LRRC37A2: variants seen among roughly 807,000 people sequenced by gnomAD.
LRRC37A2 encodes the protein leucine rich repeat containing 37 member A2.
In LRRC37A2, 9 loss-of-function variants were observed where a neutral mutation model predicts 68.8. The observed-to-expected ratio is 0.13, with a 90% confidence interval of 0.08 to 0.23. The LOEUF is 0.23. Ranked by LOEUF, LRRC37A2 falls within the 10% of genes least tolerant of loss-of-function variation. The pLI, the probability that LRRC37A2 is intolerant of heterozygous loss-of-function variation, is 1.00. For synonymous variants in LRRC37A2, 63 were observed against 367.6 expected, an observed-to-expected ratio of 0.17 and a Z score of 9.48; for missense variants, 168 against 950.4, an observed-to-expected ratio of 0.18 and a Z score of 10.82.
chr17:46,992,198 C>CTAAATAAATAAATACATAAATAAATAAA, the LRRC37A2 span, among the ~76,000 whole-genome samples: 1 of 143,778 alleles, frequency 7.0e-6, no homozygotes. Flanking sequence ...CCCATCTCTA[C>CTAAATAAATAAATACATAAATAAATAAA]TAAATAAATA....
chr17:46,829,045 G>A, the LRRC37A2 span, among the ~76,000 whole-genome samples: 1 of 152,194 alleles, frequency 6.6e-6, no homozygotes, highest in African/African-American at 2.4e-5. Flanking sequence ...GACTGCTGAT[G>A]GGTTTGAGGT....
the LRRC37A2 span, chr17:47,017,761 C>G: frequency 8.9e-4 from 1,426 of 1,610,572 alleles, 6 homozygotes; most frequent in African/African-American, 0.016. Flanking sequence ...ACAGATACAC[C>G]GTATCCCGGT....
the LRRC37A2 span, among the ~76,000 whole-genome samples, chr17:46,762,065 T>C: frequency 6.6e-6 from 1 of 152,212 alleles, no homozygotes; most frequent in Non-Finnish European, 1.5e-5. Context: ...GGACAGACAA[T>C]TTTCAGTCAA....
At chr17:46,493,519 C>A in the LRRC37A2 span, among the ~76,000 whole-genome samples, 2 of 115,198 alleles carry the variant, frequency 1.7e-5, no homozygotes, top group African/African-American at 3.7e-5. Context: ...TATTGTTATT[C>A]TTCTTTTATT....
At chr17:47,006,728 A>G in the LRRC37A2 span, among the ~76,000 whole-genome samples, 1 of 152,260 alleles carries the variant, frequency 6.6e-6, no homozygotes, top group African/African-American at 2.4e-5. Flanking sequence ...TTCAGGCCCC[A>G]GAGACGTGCT....
At chr17:46,847,108 A>T in the LRRC37A2 span, among the ~76,000 whole-genome samples, 54 of 152,250 alleles carry the variant, frequency 3.5e-4, no homozygotes, top group Non-Finnish European at 7.5e-4. Flanking sequence ...TGCAAGGAAG[A>T]TAAAAACATT....
the LRRC37A2 span, among the ~76,000 whole-genome samples, chr17:46,848,783 C>T: frequency 6.6e-6 from 1 of 152,198 alleles, no homozygotes; most frequent in Admixed American, 6.5e-5. Context: ...TTCCTGCCTC[C>T]ACTACAGCTG....
chr17:46,946,998 G>A, the LRRC37A2 span, among the ~76,000 whole-genome samples: 1 of 152,238 alleles, frequency 6.6e-6, no homozygotes, highest in Non-Finnish European at 1.5e-5. Flanking sequence ...CCTGGGGAAG[G>A]TGGGACGGGG....
chr17:46,810,136 A>T, the LRRC37A2 span, among the ~76,000 whole-genome samples: 1 of 150,508 alleles, frequency 6.6e-6, no homozygotes, highest in African/African-American at 2.4e-5. Flanking sequence ...CCTTCCGAGT[A>T]GCTGGGATTA....
the LRRC37A2 span, among the ~76,000 whole-genome samples, chr17:46,820,679 C>T: frequency 6.6e-6 from 1 of 152,126 alleles, no homozygotes; most frequent in Non-Finnish European, 1.5e-5. Flanking sequence ...GCCTCAGGAC[C>T]AAGGCTCTGG....
the LRRC37A2 span, chr17:46,774,024 C>CT: frequency 7.0e-7 from 1 of 1,438,624 alleles, no homozygotes; most frequent in Non-Finnish European, 9.4e-7. Context: ...GGGCCTGTGC[C>CT]CTGGCACCTG....
chr17:46,853,322 C>T, the LRRC37A2 span, among the ~76,000 whole-genome samples: 1 of 146,050 alleles, frequency 6.8e-6, no homozygotes, highest in Non-Finnish European at 1.5e-5. Flanking sequence ...GCACTTAGGA[C>T]AGTGTCTAGC....
the LRRC37A2 span, among the ~76,000 whole-genome samples, chr17:46,725,026 T>C: frequency 1.3e-5 from 2 of 152,234 alleles, no homozygotes; most frequent in Non-Finnish European, 2.9e-5. Flanking sequence ...TAAGGCATTA[T>C]ATTAAATGAT....
At chr17:46,849,561 C>G in the LRRC37A2 span, among the ~76,000 whole-genome samples, 152 of 152,314 alleles carry the variant, frequency 1.0e-3, no homozygotes, top group African/African-American at 3.6e-3. Flanking sequence ...CTTCTGTGAT[C>G]GTGGTTCAAA....
downstream of LRRC37A2, chr17:46,558,806 A>T (rs1212363690): frequency 7.7e-6 from 1 of 129,428 alleles, no homozygotes; most frequent in Non-Finnish European, 1.6e-5. Flanking sequence ...CCCCTATATC[A>T]ATCTCCCAGA....
At chr17:46,893,810 C>T in the LRRC37A2 span, among the ~76,000 whole-genome samples, 1 of 152,176 alleles carries the variant, frequency 6.6e-6, no homozygotes, top group Non-Finnish European at 1.5e-5. Flanking sequence ...TTCTCCTGAG[C>T]TAGGGCAGAG....
At chr17:46,743,228 T>G in the LRRC37A2 span, among the ~76,000 whole-genome samples, 1 of 152,164 alleles carries the variant, frequency 6.6e-6, no homozygotes, top group African/African-American at 2.4e-5. Context: ...GCCAGTGCCC[T>G]GTGTTTGTTT....
At chr17:46,786,457 G>A in the LRRC37A2 span, among the ~76,000 whole-genome samples, 9 of 152,218 alleles carry the variant, frequency 5.9e-5, no homozygotes, top group African/African-American at 2.2e-4. Context: ...TCCAGAGACG[G>A]GTAAAAGGCA....
chr17:46,900,200 TATAC>T, the LRRC37A2 span, among the ~76,000 whole-genome samples: 12 of 100,948 alleles, frequency 1.2e-4, no homozygotes, highest in East Asian at 1.6e-3. Flanking sequence ...TATATATATA[TATAC>T]ACACACACAC....
Sources: gnomAD v4.1 joint callset for allele counts (sites outside exome capture counted in the v4.1 genomes callset) on GRCh38, gnomAD v4.1.1 for gene constraint, MANE v1.5 for transcripts, NCBI Gene and HGNC (gene_info 2026-07-23, HGNC 2026-07-21) for gene names.